The following TTF2 variants were observed in gnomAD, a reference collection of about 807,000 sequenced individuals.
TTF2 encodes transcription termination factor 2.
A neutral mutation model predicts 142.4 loss-of-function variants in TTF2; 108 were observed. That is an observed-to-expected ratio of 0.76 (90% CI 0.65 to 0.89). The LOEUF (loss-of-function observed/expected upper bound fraction) is 0.89, where lower values mean the gene tolerates loss of function less well. Among genes scored for constraint, TTF2 ranks in the 40% least tolerant of loss-of-function variants. The pLI, the probability that TTF2 is intolerant of heterozygous loss-of-function variation, is 0.00. For synonymous variants in TTF2, 483 were observed against 506.2 expected (o/e 0.95, Z 0.61); for missense variants, 1,327 against 1,379.8 (o/e 0.96, Z 0.61).
rs1234736186 is a variant in TTF2, at chr1:117,069,547, T to C, written c.219-4114T>C. The stretch of plus-strand genomic sequence containing the variant: ...GGCATTGCTGTTGTCTTTTAAGACC[T>C]TGGTATGTATCAGGCTTTGCTCTGA... On this transcript the variant is annotated intron_variant, in intron 3 of 22. Transcript: ENST00000369466. Among the ~76,000 whole-genome samples the C allele has an allele frequency of 3.3e-5, 5 of 152,248 alleles. No individual in the cohort carries two copies. The East Asian group carries it at 7.7e-4, about 23-fold the overall frequency.
At chr1:117,088,415 T>A (rs142904498) in intron 12 of TTF2, among the ~76,000 whole-genome samples, 1,599 of 152,176 alleles carry the variant, frequency 0.011, 25 homozygotes, top group African/African-American at 0.036. Flanking sequence ...CGGGCGCCTG[T>A]GGTCCCGGCT....
chr1:117,095,646 A>G (rs1649060591), intron 19 of TTF2, among the ~76,000 whole-genome samples: 1 of 151,864 alleles, frequency 6.6e-6, no homozygotes, highest in Non-Finnish European at 1.5e-5. Flanking sequence ...CAGTGCTGAT[A>G]ACGTTCTTAA....
Position 117,081,847 on chromosome 1 carries a change from A to G in TTF2, c.1803A>G (p.Gly601=). Residue 601 remains glycine, a synonymous_variant, in exon 10 of 23, where the codon GGA becomes GGG. Transcript: ENST00000369466. ...TTCTAGCAGATGATATGGGCTTAGG[A>G]AAAACCCTGACAATGATTGCGCTCA... ...GGILADDMGL[G]KTLTMIALIL... is the part of the protein sequence containing the mutation. 1 of 1,613,974 alleles carries G rather than the reference A, an allele frequency of 6.2e-7. No homozygotes were observed. The highest frequency in any genetic ancestry group is 1.1e-5 in the South Asian group (1 of 91,056).
rs1649718348 is a variant in TTF2, at chr1:117,103,156, A to C, written c.*1632A>C. The C allele has an allele frequency of 1.3e-5, 2 of 152,242 alleles. No individual in the cohort carries two copies. The highest frequency in any genetic ancestry group is 4.8e-5 in the African/African-American group (2 of 41,470). The allele number at this position is 152,242 out of a possible 1,614,324, so 9.4% of individuals were successfully genotyped here. A position where few individuals can be genotyped will look rare whatever the true frequency, so the allele number is the denominator to read the frequency against. On this transcript the variant is annotated 3_prime_UTR_variant, in exon 23 of 23. Transcript: ENST00000369466. ...GCAGTTCTTAGCCTAGTTTTTGGCC[A>C]TCAGCCCTTCTATTAGACTAGTGAA...
At position 117,097,903 on chromosome 1, in the gene TTF2, A is replaced by G. The variant is rs1035671881; in HGVS notation, c.3269+470A>G. On this transcript the variant is annotated intron_variant, in intron 21 of 22. Transcript: ENST00000369466. This position sits in a 1 kb window ranked among gnomAD's most constrained non-coding sequence, Gnocchi z 4.1. Reference sequence around the variant, plus strand: ...CACTTAATACCTCACCCTTGGATTCATTGTATGTAGTGTTAATACCAGGAG... The same window carrying G: ...CACTTAATACCTCACCCTTGGATTCGTTGTATGTAGTGTTAATACCAGGAG... Among the ~76,000 whole-genome samples, 1 of 152,232 alleles carries G rather than the reference A, an allele frequency of 6.6e-6. No individual in the cohort carries two copies. Among genetic ancestry groups the G allele is most frequent in the African/African-American group, 2.4e-5 (1 of 41,466 alleles).
In TTF2 at chr1:117,106,952, T is replaced by C. The variant is rs1557841517; in HGVS notation, c.*5428T>C. 2 of 152,248 alleles carry C rather than the reference T, an allele frequency of 1.3e-5. No individual in the cohort carries two copies. The highest frequency in any genetic ancestry group is 3.8e-4 in the East Asian group (2 of 5,202). The allele number at this position is 152,248 out of a possible 1,614,324, so 9.4% of individuals were successfully genotyped here. A position where few individuals can be genotyped will look rare whatever the true frequency, so the allele number is the denominator to read the frequency against. On this transcript the variant is annotated 3_prime_UTR_variant, in exon 23 of 23. Coordinates refer to ENST00000369466, the MANE Select transcript of TTF2 (RefSeq NM_003594.4). ...CAAGACAGCCAAGGTGTTTATCCTG[T>C]TACAACATCCCAGAGGACAGAGGCT... is the stretch of plus-strand genomic sequence containing the variant.
rs749511176 is a variant in TTF2 at position 117,091,985 on chromosome 1, C to T, written c.2805+35C>T. 6 of 1,565,270 alleles carry T rather than the reference C, an allele frequency of 3.8e-6. No homozygotes were observed. The Admixed American group carries it at 1.0e-4, about 27-fold the overall frequency. ...GCCCTCAGCCTGCTGTCATATAGTGCTCCAGAGGGGCCACCTGAGAAGTCA... is the reference window on the plus strand; with the variant it reads ...GCCCTCAGCCTGCTGTCATATAGTGTTCCAGAGGGGCCACCTGAGAAGTCA... On this transcript the variant is annotated intron_variant, in intron 17 of 22. Coordinates refer to ENST00000369466, the MANE Select transcript of TTF2 (RefSeq NM_003594.4).
chr1:117,092,041 T>G lies in TTF2; in HGVS notation c.2805+91T>G. 7.4e-7 allele frequency: 1 copy of G among 1,353,494 alleles called. No individual in the cohort carries two copies. The highest frequency in any genetic ancestry group is 9.9e-7 in the Non-Finnish European group (1 of 1,012,006). 83.8% of individuals were successfully genotyped at this position (1,353,494 alleles called of 1,614,324 possible). A position where few individuals can be genotyped will look rare whatever the true frequency, so the allele number is the denominator to read the frequency against. On this transcript the variant is annotated intron_variant, in intron 17 of 22. Coordinates refer to ENST00000369466, the MANE Select transcript of TTF2 (RefSeq NM_003594.4). This position sits in a 1 kb window ranked among gnomAD's most constrained non-coding sequence, Gnocchi z 4.4. ...ACTCTCCTCCAACTGGAATCCAGTCTGCTTGATCAAAGGAAATGCTGTTTC... is the reference window on the plus strand; with the variant it reads ...ACTCTCCTCCAACTGGAATCCAGTCGGCTTGATCAAAGGAAATGCTGTTTC...
chr1:117,072,465 G>T (rs1273971986), intron 3 of TTF2, among the ~76,000 whole-genome samples: 7 of 127,132 alleles, frequency 5.5e-5, no homozygotes, highest in African/African-American at 2.2e-4. Context: ...TCACTGTGTC[G>T]CCAGGCTGGA....
intron 4 of TTF2, among the ~76,000 whole-genome samples, 192 bp from the exon 5 acceptor site, chr1:117,074,678 G>A (rs999982690): frequency 4.6e-5 from 7 of 151,544 alleles, no homozygotes; most frequent in African/African-American, 1.7e-4. Flanking sequence ...CTACTGGAGA[G>A]GGGAGGAGGG....
In TTF2 at chr1:117,102,501, T is replaced by A. The variant is rs1033085007; in HGVS notation, c.*977T>A. 26 of 152,230 alleles carry A rather than the reference T, an allele frequency of 1.7e-4. No individual in the cohort carries two copies. The highest frequency in any genetic ancestry group is 6.3e-4 in the African/African-American group (26 of 41,448). The allele number at this position is 152,230 out of a possible 1,614,324, so 9.4% of individuals were successfully genotyped here. Reference sequence around the variant, plus strand: ...TCACTGTACCATTTAGTGTTGTATATCACTCAGTCATTTAATATTGGTTAT... The same window carrying A: ...TCACTGTACCATTTAGTGTTGTATAACACTCAGTCATTTAATATTGGTTAT... On this transcript the variant is annotated 3_prime_UTR_variant, in exon 23 of 23. Coordinates refer to ENST00000369466, the MANE Select transcript of TTF2 (RefSeq NM_003594.4).
intron 8 of TTF2, among the ~76,000 whole-genome samples, chr1:117,078,630 G>A (rs932612285): frequency 1.3e-5 from 2 of 152,236 alleles, no homozygotes; most frequent in African/African-American, 4.8e-5. Flanking sequence ...TGAGCCAGCA[G>A]TAGCAGGTGA....
At chr1:117,081,799 A>C (rs1557816338) in intron 9 of TTF2, 29 bp from the exon 10 acceptor site, 1 of 1,607,042 alleles carries the variant, frequency 6.2e-7, no homozygotes, top group Non-Finnish European at 8.5e-7. Flanking sequence ...TAAGCAATTA[A>C]CTCTCTTAAT....
At chr1:117,082,822 C>T (rs938196081) in intron 10 of TTF2, among the ~76,000 whole-genome samples, 10 of 151,736 alleles carry the variant, frequency 6.6e-5, no homozygotes, top group Non-Finnish European at 1.0e-4. Context: ...GACACTGTCT[C>T]TTAAAAAAAA....
In TTF2 at chr1:117,097,154, G is replaced by T. The variant is rs752060345; in HGVS notation, c.3187-197G>T. Reference sequence around the variant, plus strand: ...AGGTTGACTCACACACACACAAAATGTGATGTGAGAATTTTCTCAAAAGTG... The same window carrying T: ...AGGTTGACTCACACACACACAAAATTTGATGTGAGAATTTTCTCAAAAGTG... On this transcript the variant is annotated intron_variant, in intron 20 of 22. Coordinates refer to ENST00000369466, the MANE Select transcript of TTF2 (RefSeq NM_003594.4). The surrounding 1 kb of genome is among the most constrained non-coding windows in gnomAD (Gnocchi z 4.1). Among the ~76,000 whole-genome samples the T allele has an allele frequency of 2.0e-5, 3 of 152,088 alleles. No homozygotes were observed. The highest frequency in any genetic ancestry group is 4.4e-5 in the Non-Finnish European group (3 of 68,032).
rs1649549460 is a variant in TTF2, at chr1:117,101,102, T to C, written c.3345-278T>C. Among the ~76,000 whole-genome samples, 1 of 152,220 alleles carries C rather than the reference T, an allele frequency of 6.6e-6. No individual in the cohort carries two copies. Among genetic ancestry groups the C allele is most frequent in the Non-Finnish European group, 1.5e-5 (1 of 68,040 alleles). On this transcript the variant is annotated intron_variant, in intron 22 of 22. Coordinates refer to ENST00000369466, the MANE Select transcript of TTF2 (RefSeq NM_003594.4). The surrounding 1 kb of genome is among the most constrained non-coding windows in gnomAD (Gnocchi z 5.9). ...TGGGTAAAAGCTGGATCTCTATACT[T>C]TTTTGGATTGGGATATCTTTTGCTT...
rs1414116103 is a variant in TTF2 at position 117,076,697 on chromosome 1, A to ACCACTGGC, written c.1450_1457dup (p.Pro487LeufsTer23). 1 of 1,614,050 alleles carries ACCACTGGC rather than the reference A, an allele frequency of 6.2e-7. No homozygotes were observed. The highest frequency in any genetic ancestry group is 8.5e-7 in the Non-Finnish European group (1 of 1,179,952). Reference sequence around the variant, plus strand: ...ACAGCAGAGTCACTTCACCAAAACTACCACTGGCCCTCCCCACCTGGTGCC... The same window carrying ACCACTGGC: ...ACAGCAGAGTCACTTCACCAAAACTACCACTGGCCCACTGGCCCTCCCCACCTGGTGCC... On this transcript the variant is annotated frameshift_variant, in exon 7 of 23. Transcript: ENST00000369466. LOFTEE classifies it high-confidence loss of function. The surrounding 1 kb of genome is among the most constrained non-coding windows in gnomAD (Gnocchi z 4.6).
At chr1:117,088,764 C>T (rs752281853) in intron 12 of TTF2, 37 bp from the exon 13 acceptor site, 1 of 1,603,700 alleles carries the variant, frequency 6.2e-7, no homozygotes, top group Admixed American at 1.7e-5. Flanking sequence ...GTACATTTTC[C>T]CATATTGTGG....
In TTF2 at chr1:117,097,565, T is replaced by A. The variant is rs1649262676; in HGVS notation, c.3269+132T>A. 1.2e-6 allele frequency: 1 copy of A among 844,930 alleles called. No individual in the cohort carries two copies. Among genetic ancestry groups the A allele is most frequent in the South Asian group, 1.5e-5 (1 of 66,956 alleles). 52.3% of individuals were successfully genotyped at this position (844,930 alleles called of 1,614,324 possible). On this transcript the variant is annotated intron_variant, in intron 21 of 22. Transcript: ENST00000369466. The surrounding 1 kb of genome is among the most constrained non-coding windows in gnomAD (Gnocchi z 4.1). ...GCAGAGATGCCTTGCTTTGTATGTG[T>A]CTATAGATACAGATCTAAGCAGGGT...
Sources: gnomAD v4.1 joint callset for allele counts (sites outside exome capture counted in the v4.1 genomes callset) on GRCh38, gnomAD v4.1.1 for gene constraint, Gnocchi (gnomAD v3.1) non-coding constraint, MANE v1.5 for transcripts, NCBI Gene and HGNC (gene_info 2026-07-23, HGNC 2026-07-21) for gene names.